Variants in AHDC1 observed in about 807,000 individuals in gnomAD.
AHDC1 encodes the protein transcription factor Gibbin.
In AHDC1, 7 loss-of-function variants were observed where a neutral mutation model predicts 87.9. The ratio of observed to expected loss-of-function variants is 0.08; its 90% CI spans 0.05 to 0.15. AHDC1 has a LOEUF of 0.15. Among genes scored for constraint, AHDC1 ranks in the 10% least tolerant of loss-of-function variants. AHDC1 has a pLI of 1.00. For synonymous variants in AHDC1, 1,051 were observed against 1,006.8 expected (o/e 1.04, Z -0.83); for missense variants, 1,841 against 2,253.2 (o/e 0.82, Z 3.70).
At chr1:27,594,943 T>A (rs894406621) in intron 3 of AHDC1, among the ~76,000 whole-genome samples, 3 of 151,666 alleles carry the variant, frequency 2.0e-5, no homozygotes, top group Non-Finnish European at 4.4e-5. Context: ...TGTAGGGGTG[T>A]CCCTGGGCCC....
chr1:27,594,630 G>A (rs1466131382), intron 3 of AHDC1, among the ~76,000 whole-genome samples: 1 of 152,196 alleles, frequency 6.6e-6, no homozygotes, highest in African/African-American at 2.4e-5. Flanking sequence ...TGAAGGGGTG[G>A]AGATGCCTCC....
intron 3 of AHDC1, among the ~76,000 whole-genome samples, chr1:27,602,063 G>A (rs2148509130): frequency 6.6e-6 from 1 of 152,284 alleles, no homozygotes; most frequent in Middle Eastern, 3.4e-3. Flanking sequence ...GGCTGGTACA[G>A]TCCGGCCCTG....
chr1:27,599,253 C>G (rs1571354376), intron 3 of AHDC1, among the ~76,000 whole-genome samples: 1 of 152,126 alleles, frequency 6.6e-6, no homozygotes, highest in African/African-American at 2.4e-5. Context: ...TGGTTGGGCC[C>G]CCTCCCTCTC....
chr1:27,535,148 AGGTGCTG>A (rs1277116026), intron 8 of AHDC1, among the ~76,000 whole-genome samples: 1 of 152,190 alleles, frequency 6.6e-6, no homozygotes, highest in African/African-American at 2.4e-5. Flanking sequence ...AGGGTGAAGC[AGGTGCTG>A]GGTGAGGAGG....
rs2020025820 is a variant in AHDC1 at position 27,560,485 on chromosome 1, T to G, written c.-628-1602A>C. On this transcript the variant is annotated intron_variant, in intron 3 of 8. Coordinates refer to ENST00000673934, the MANE Select transcript of AHDC1 (RefSeq NM_001371928.1). The surrounding 1 kb of genome is among the most constrained non-coding windows in gnomAD (Gnocchi z 4.1). ...GGTTTCCAATCTCGAGGCCTGTGACTGCAGGCACTGGTGTCACTGTGGATC... is the reference window on the plus strand; with the variant it reads ...GGTTTCCAATCTCGAGGCCTGTGACGGCAGGCACTGGTGTCACTGTGGATC... 6.6e-6 allele frequency among the ~76,000 whole-genome samples: 1 copy of G among 152,184 alleles called. No homozygotes were observed. The highest frequency in any genetic ancestry group is 2.4e-5 in the African/African-American group (1 of 41,420).
intron 3 of AHDC1, among the ~76,000 whole-genome samples, chr1:27,573,638 A>C (rs2088614150): frequency 6.6e-6 from 1 of 152,108 alleles, no homozygotes; most frequent in South Asian, 2.1e-4. Context: ...TCCACTTCCT[A>C]TCCCAGCGCC....
intron 3 of AHDC1, among the ~76,000 whole-genome samples, chr1:27,575,428 C>A (rs900911472): frequency 6.6e-6 from 1 of 152,114 alleles, no homozygotes; most frequent in Admixed American, 6.5e-5. Flanking sequence ...GGGGTGCTCT[C>A]TCCACTCCCG....
intron 3 of AHDC1, among the ~76,000 whole-genome samples, chr1:27,580,747 T>C (rs1319251766): frequency 6.6e-6 from 1 of 152,266 alleles, no homozygotes; most frequent in African/African-American, 2.4e-5. Flanking sequence ...TAATGCTAGC[T>C]GCTATTTTTA....
chr1:27,554,959 T>C (rs1248919390), intron 5 of AHDC1, among the ~76,000 whole-genome samples: 1 of 152,226 alleles, frequency 6.6e-6, no homozygotes, highest in Non-Finnish European at 1.5e-5. Context: ...TCAGAGTGTA[T>C]GTGTAACTTG....
intron 3 of AHDC1, among the ~76,000 whole-genome samples, chr1:27,600,734 A>T (rs2089507788): frequency 6.6e-6 from 1 of 152,172 alleles, no homozygotes; most frequent in African/African-American, 2.4e-5. Context: ...CAACCACAGC[A>T]ATCAGGTGGA....
chr1:27,584,447 A>C (rs761855793), intron 3 of AHDC1, among the ~76,000 whole-genome samples: 1 of 152,240 alleles, frequency 6.6e-6, no homozygotes, highest in Non-Finnish European at 1.5e-5. Flanking sequence ...CTCAGAGAGG[A>C]GTCAAGTAAC....
At chr1:27,554,950 CAG>C (rs1571253924) in intron 5 of AHDC1, among the ~76,000 whole-genome samples, 2 of 152,340 alleles carry the variant, frequency 1.3e-5, no homozygotes, top group East Asian at 3.9e-4. Context: ...GAAACTGGCT[CAG>C]AGTGTATGTG....
At chr1:27,600,320 G>A (rs2089496576) in intron 3 of AHDC1, among the ~76,000 whole-genome samples, 1 of 152,076 alleles carries the variant, frequency 6.6e-6, no homozygotes, top group South Asian at 2.1e-4. Context: ...CCCAGAGACA[G>A]AGCTGGGCTC....
At position 27,548,751 on chromosome 1, in the gene AHDC1, T is replaced by C; in HGVS notation, c.3365A>G (p.Glu1122Gly). Reference sequence around the variant, plus strand: ...GGGATTGTAGAGCTGACTAAAGGCCTCTGAGGCCCAGTCCAGGCCTCCATA... The same window carrying C: ...GGGATTGTAGAGCTGACTAAAGGCCCCTGAGGCCCAGTCCAGGCCTCCATA... ...QGYGGLDWAS[E>G]AFSQLYNPSF... Residue 1122 changes from glutamate to glycine, a missense_variant, in exon 8 of 9, where the codon GAG becomes GGG. Glu to Gly is a moderately conservative substitution (Grantham distance 98). Transcript: ENST00000673934. 1 of 1,613,242 alleles carries C rather than the reference T, an allele frequency of 6.2e-7. No homozygotes were observed. Among genetic ancestry groups the C allele is most frequent in the Non-Finnish European group, 8.5e-7 (1 of 1,180,032 alleles).
At chr1:27,542,279 T>C (rs943914229) in intron 8 of AHDC1, among the ~76,000 whole-genome samples, 1 of 152,222 alleles carries the variant, frequency 6.6e-6, no homozygotes, top group Non-Finnish European at 1.5e-5. Context: ...ATTTTGTCCT[T>C]GGGTCCTCCA....
chr1:27,566,303 C>T (rs540777796), intron 3 of AHDC1, among the ~76,000 whole-genome samples: 6 of 145,322 alleles, frequency 4.1e-5, no homozygotes, highest in African/African-American at 1.5e-4. Context: ...AGGGAGGGGG[C>T]GAGAGCCAGA....
rs1173537965 is a variant in AHDC1 at position 27,551,790 on chromosome 1, C to T, written c.326G>A (p.Arg109His). 6.8e-6 allele frequency: 11 copies of T among 1,613,016 alleles called. No individual in the cohort carries two copies. Among genetic ancestry groups the T allele is most frequent in the South Asian group, 3.3e-5 (3 of 91,066 alleles). Residue 109 changes from arginine (R) to histidine (H), a missense_variant, in exon 8 of 9, where the codon CGC (arginine) becomes CAC (histidine). Transcript: ENST00000673934. ...GTTCACCCGCCCGTTGTCCCAGCAG[C>T]GTCGGGAGCTGCTGCCGTCTCCGAC... ...TPVGDGSSSR[R>H]CWDNGRVNLR...
At chr1:27,578,207 T>G (rs2088810886) in intron 3 of AHDC1, among the ~76,000 whole-genome samples, 1 of 152,240 alleles carries the variant, frequency 6.6e-6, no homozygotes, top group Non-Finnish European at 1.5e-5. Flanking sequence ...AGTCTTAATG[T>G]ATTTTTTAAA....
intron 3 of AHDC1, among the ~76,000 whole-genome samples, chr1:27,574,970 C>T (rs2088669546): frequency 6.6e-6 from 1 of 152,196 alleles, no homozygotes; most frequent in African/African-American, 2.4e-5. Context: ...CTGTCGCCGT[C>T]GGGAAAATTA....
Sources: allele counts gnomAD v4.1 joint callset (sites outside exome capture counted in the v4.1 genomes callset), GRCh38; gene constraint gnomAD v4.1.1; non-coding constraint Gnocchi (gnomAD v3.1); transcripts MANE v1.5; gene names NCBI Gene and HGNC (gene_info 2026-07-23, HGNC 2026-07-21).